The following PRKG1 variants were observed in gnomAD, a reference collection of about 807,000 sequenced individuals.
PRKG1 encodes the protein protein kinase cGMP-dependent 1, also known as cGMP-dependent protein kinase 1.
A neutral mutation model predicts 88.1 loss-of-function variants in PRKG1; 35 were observed. The ratio of observed to expected loss-of-function variants is 0.40; its 90% CI spans 0.30 to 0.53. The LOEUF (loss-of-function observed/expected upper bound fraction) is 0.53. PRKG1 is among the 20% of genes least tolerant of loss of function. The pLI, the probability that PRKG1 is intolerant of heterozygous loss-of-function variation, is 0.59. For synonymous variants in PRKG1, 303 were observed against 292.5 expected, an observed-to-expected ratio of 1.04 and a Z score of -0.37; for missense variants, 540 against 839.8, an observed-to-expected ratio of 0.64 and a Z score of 4.41.
At chr10:51,437,960 C>G (rs1838984895) in intron 2 of PRKG1, among the ~76,000 whole-genome samples, 1 of 151,458 alleles carries the variant, frequency 6.6e-6, no homozygotes, top group Non-Finnish European at 1.5e-5. Flanking sequence ...GCTAAGAAAT[C>G]TTGCTCTAGA....
chr10:51,067,270 GTATATATATA>G (rs10612353), intron 1 of PRKG1, among the ~76,000 whole-genome samples: 1 of 146,616 alleles, frequency 6.8e-6, no homozygotes, highest in African/African-American at 2.5e-5. Flanking sequence ...ATGTATGTGT[GTATATATATA>G]TATATATATA....
In PRKG1 at chr10:51,952,332, C is replaced by T. The variant is rs1185720594; in HGVS notation, c.762+44762C>T. On this transcript the variant is annotated intron_variant, in intron 5 of 17. Transcript: ENST00000373980. ...TATCCAAATGTGCATTTTCATCAGG[C>T]AAATTTGGGAATCACTTGTGCTGGC... 2.0e-5 allele frequency among the ~76,000 whole-genome samples: 3 copies of T among 152,136 alleles called. No individual in the cohort carries two copies. In the East Asian group the frequency reaches 5.8e-4, roughly 29 times the overall value.
At chr10:51,491,392 T>G (rs1338105337) in intron 3 of PRKG1, among the ~76,000 whole-genome samples, 1 of 152,076 alleles carries the variant, frequency 6.6e-6, no homozygotes. Context: ...AGGTGTGAAT[T>G]TAAATGAATA....
At chr10:51,550,533 T>C (rs1379804558) in intron 3 of PRKG1, among the ~76,000 whole-genome samples, 1 of 152,022 alleles carries the variant, frequency 6.6e-6, no homozygotes, top group East Asian at 1.9e-4. Context: ...AATAAACCTC[T>C]TAGAGATACA....
intron 10 of PRKG1, among the ~76,000 whole-genome samples, chr10:52,263,602 G>T (rs1292225671): frequency 2.0e-5 from 3 of 148,956 alleles, no homozygotes; most frequent in Non-Finnish European, 4.4e-5. Context: ...TTTGAGACAG[G>T]GTCTTGCTCT....
At chr10:51,852,169 A>C (rs555704792) in intron 4 of PRKG1, among the ~76,000 whole-genome samples, 2 of 149,308 alleles carry the variant, frequency 1.3e-5, no homozygotes, top group South Asian at 4.2e-4. Context: ...TATATAACAT[A>C]TATGTTATAT....
At chr10:51,233,084 C>T (rs574205778) in intron 2 of PRKG1, among the ~76,000 whole-genome samples, 37 of 152,098 alleles carry the variant, frequency 2.4e-4, no homozygotes, top group South Asian at 6.2e-4. Flanking sequence ...GATACATATG[C>T]GCAAGAATGT....
chr10:51,023,154 G>A (rs1309236151), intron 1 of PRKG1, among the ~76,000 whole-genome samples: 2 of 152,206 alleles, frequency 1.3e-5, no homozygotes, highest in Non-Finnish European at 2.9e-5. Flanking sequence ...GTTACCCTGA[G>A]AGTCAAGGAA....
At chr10:51,052,394 A>G (rs1843573426) in intron 1 of PRKG1, among the ~76,000 whole-genome samples, 1 of 152,214 alleles carries the variant, frequency 6.6e-6, no homozygotes, top group Non-Finnish European at 1.5e-5. Flanking sequence ...CCATGGACCA[A>G]TGCCCAGTTT....
chr10:51,767,357 A>G (rs1564638854), intron 3 of PRKG1, among the ~76,000 whole-genome samples: 1 of 152,156 alleles, frequency 6.6e-6, no homozygotes. Flanking sequence ...CTCTATATAA[A>G]TGGTGGAAAA....
intron 8 of PRKG1, among the ~76,000 whole-genome samples, chr10:52,155,708 C>A (rs11815707): frequency 0.045 from 4,480 of 99,256 alleles, 210 homozygotes; most frequent in African/African-American, 0.13. Context: ...TGGTGTCTTT[C>A]AATTTGTTAA....
chr10:51,954,107 G>A (rs577014164), intron 5 of PRKG1, among the ~76,000 whole-genome samples: 22 of 152,170 alleles, frequency 1.4e-4, no homozygotes, highest in African/African-American at 5.1e-4. Context: ...GTGCATAAAT[G>A]TAGTTATATA....
chr10:51,902,122 T>G (rs904767610), intron 4 of PRKG1, among the ~76,000 whole-genome samples: 2 of 152,094 alleles, frequency 1.3e-5, no homozygotes, highest in African/African-American at 4.8e-5. Flanking sequence ...TATTTTTGTT[T>G]TTATTTTTTG....
intron 5 of PRKG1, among the ~76,000 whole-genome samples, chr10:51,946,554 A>C (rs1450897454): frequency 6.6e-6 from 1 of 151,896 alleles, no homozygotes; most frequent in African/African-American, 2.4e-5. Context: ...TAGAGTTTCC[A>C]GTTTTTCTGC....
intron 5 of PRKG1, among the ~76,000 whole-genome samples, chr10:52,031,750 C>T (rs946843725): frequency 6.6e-6 from 1 of 152,084 alleles, no homozygotes; most frequent in Non-Finnish European, 1.5e-5. Flanking sequence ...TATAAATAAT[C>T]TCTAAGAACA....
chr10:52,165,627 G>A (rs1288351753), intron 9 of PRKG1, among the ~76,000 whole-genome samples: 2 of 152,102 alleles, frequency 1.3e-5, no homozygotes, highest in African/African-American at 4.8e-5. Flanking sequence ...CGGAAGATAA[G>A]ATTAATATTT....
chr10:52,185,826 G>A (rs1839186327), intron 9 of PRKG1, among the ~76,000 whole-genome samples: 1 of 152,196 alleles, frequency 6.6e-6, no homozygotes, highest in Admixed American at 6.5e-5. Context: ...GTGGCAACTT[G>A]AGCAGGATCT....
At chr10:52,173,901 C>T (rs953584374) in intron 9 of PRKG1, among the ~76,000 whole-genome samples, 8 of 152,046 alleles carry the variant, frequency 5.3e-5, no homozygotes, top group Non-Finnish European at 8.8e-5. Flanking sequence ...ATTTAAGGAC[C>T]TGGAAAAGTA....
chr10:51,428,782 A>T (rs7915027), intron 2 of PRKG1, among the ~76,000 whole-genome samples: 2,521 of 152,336 alleles, frequency 0.017, 56 homozygotes, highest in African/African-American at 0.054. Flanking sequence ...ATTGTCAGAC[A>T]CAATAGTGAT....
Sources: allele counts gnomAD v4.1 joint callset (sites outside exome capture counted in the v4.1 genomes callset), GRCh38; gene constraint gnomAD v4.1.1; transcripts MANE v1.5; gene names NCBI Gene and HGNC (gene_info 2026-07-23, HGNC 2026-07-21).